The following ABCA4 variants were observed in gnomAD, a reference collection of about 807,000 sequenced individuals.
ABCA4 encodes the protein retinal-specific phospholipid-transporting ATPase ABCA4.
ABCA4 carries 196 observed loss-of-function variants against 263.7 expected under a neutral mutation model. The observed-to-expected ratio is 0.74, with a 90% CI of 0.66 to 0.84. The LOEUF (loss-of-function observed/expected upper bound fraction) is 0.84, where lower values mean the gene tolerates loss of function less well. Among genes scored for constraint, ABCA4 ranks in the 40% least tolerant of loss-of-function variants. The pLI is 0.00. For missense variants in ABCA4, 2,792 were observed against 2,855.1 expected (o/e 0.98, Z 0.50); for synonymous variants, 1,133 against 1,094.2 (o/e 1.04, Z -0.70).
At chr1:94,071,724 C>T (rs1201597591) in intron 11 of ABCA4, among the ~76,000 whole-genome samples, 1 of 152,200 alleles carries the variant, frequency 6.6e-6, no homozygotes, top group Non-Finnish European at 1.5e-5. Flanking sequence ...CTATTTGGAC[C>T]TCCACCCATG....
At chr1:94,120,885 C>CCG in intron 1 of ABCA4, 95 bp downstream of exon 1, 6 of 597,168 alleles carry the variant, frequency 1.0e-5, no homozygotes, top group East Asian at 3.3e-5. Context: ...ACCCCCCACC[C>CCG]TGCCCCACCA....
At chr1:94,001,729 A>G in intron 45 of ABCA4, 129 bp downstream of exon 45, 1 of 1,366,138 alleles carries the variant, frequency 7.3e-7, no homozygotes, top group Non-Finnish European at 1.0e-6. Context: ...AATGAGCAAC[A>G]CAGGAAACAG....
At chr1:94,032,326 C>T (rs1035590271) in intron 26 of ABCA4, among the ~76,000 whole-genome samples, 19 of 152,136 alleles carry the variant, frequency 1.2e-4, no homozygotes, top group African/African-American at 3.4e-4. Flanking sequence ...GTTTAAAATA[C>T]GTAACTTGGT....
At chr1:94,019,816 G>T (rs1557767895) in intron 35 of ABCA4, 57 bp from the exon 36 acceptor site, 13 of 1,563,156 alleles carry the variant, frequency 8.3e-6, no homozygotes, top group Admixed American at 1.9e-5. Context: ...AGCAGAAGGA[G>T]GAGAAGATAC....
chr1:94,028,856 G>A (rs747827464), intron 30 of ABCA4, among the ~76,000 whole-genome samples: 4 of 121,880 alleles, frequency 3.3e-5, no homozygotes, highest in African/African-American at 1.3e-4. Flanking sequence ...GCAGTGAGCC[G>A]AGATCACACC....
At chr1:94,036,311 A>G (rs139406498) in intron 26 of ABCA4, among the ~76,000 whole-genome samples, 1 of 150,426 alleles carries the variant, frequency 6.6e-6, no homozygotes, top group Non-Finnish European at 1.5e-5. Flanking sequence ...CAAAATGCCT[A>G]CTACTGGGGA....
At chr1:94,036,218 A>T (rs1660332470) in intron 26 of ABCA4, among the ~76,000 whole-genome samples, 1 of 151,394 alleles carries the variant, frequency 6.6e-6, no homozygotes, top group Non-Finnish European at 1.5e-5. Flanking sequence ...TGACCTCCGT[A>T]AGAATCCTCA....
At chr1:94,112,058 T>C (rs968432049) in intron 2 of ABCA4, among the ~76,000 whole-genome samples, 15 of 152,166 alleles carry the variant, frequency 9.9e-5, no homozygotes, top group South Asian at 8.3e-4. Flanking sequence ...GATTCAGAAC[T>C]GGGGCCTGAA....
At chr1:94,095,286 G>A (rs1662093436) in intron 6 of ABCA4, among the ~76,000 whole-genome samples, 1 of 151,242 alleles carries the variant, frequency 6.6e-6, no homozygotes, top group African/African-American at 2.4e-5. Flanking sequence ...TAACCCCAGC[G>A]CCCCCCTCCG....
rs148357131 is a variant in ABCA4 at position 94,113,052 on chromosome 1, C to T, written c.81G>A (p.Val27=). The change falls in exon 2 of 50, where the codon GTG becomes GTA. Residue 27 remains valine (V), a synonymous_variant. Coordinates refer to ENST00000370225, the MANE Select transcript of ABCA4 (RefSeq NM_000350.3). ...ATAAAGATAAAGGCCACACGAGTTC[C>T]ACCACAAAGCGAATCTGGAAAAACA... ...LRKRQKIRFV[V]ELVWPLSLFL... is the part of the protein sequence containing the mutation. The T allele has an allele frequency of 6.2e-7, 1 of 1,614,094 alleles. No individual in the cohort carries two copies. Among genetic ancestry groups the T allele is most frequent in the Non-Finnish European group, 8.5e-7 (1 of 1,179,994 alleles).
intron 14 of ABCA4, among the ~76,000 whole-genome samples, chr1:94,057,898 C>CT (rs1661022087): frequency 6.6e-6 from 1 of 152,230 alleles, no homozygotes; most frequent in Non-Finnish European, 1.5e-5. Flanking sequence ...ATCCTGTGCT[C>CT]TTCCCAGGAA....
Position 94,001,002 on chromosome 1 carries a change from C to T in ABCA4, c.6386G>A (p.Ser2129Asn), listed in dbSNP as rs1571242070. 6.2e-7 allele frequency: 1 copy of T among 1,614,140 alleles called. No homozygotes were observed. ...EGRAVVLTSH[S>N]MEECEALCTR... ...TTCCCCAGCCCTGGGAATCTCTTGC[C>T]TGTGGGATGTGAGGACCACAGCCCT... The change falls in exon 46 of 50, where the codon AGC (serine) becomes AAC (asparagine). Residue 2129 changes from serine (S) to asparagine (N), a missense_variant and splice_region_variant. Ser to Asn is a conservative substitution (Grantham distance 46, BLOSUM62 1). Transcript: ENST00000370225.
rs534274379 is a variant in ABCA4, at chr1:94,036,981, G to C, written c.3813+164C>G. On this transcript the variant is annotated intron_variant, in intron 25 of 49. Coordinates refer to ENST00000370225, the MANE Select transcript of ABCA4 (RefSeq NM_000350.3). ...AACCACAAGTACATAAAATTTGTAT[G>C]CATGCAGAGATGGGGGAACTATGCC... Among the ~76,000 whole-genome samples, 5 of 152,354 alleles carry C rather than the reference G, an allele frequency of 3.3e-5. No individual in the cohort carries two copies. In the South Asian group the frequency reaches 1.0e-3, roughly 32 times the overall value.
intron 6 of ABCA4, among the ~76,000 whole-genome samples, 157 bp from the exon 7 acceptor site, chr1:94,083,598 A>T (rs76277422): frequency 2.0e-5 from 3 of 151,970 alleles, no homozygotes; most frequent in African/African-American, 7.3e-5. Context: ...GAAACAAAAA[A>T]CTCTTTTATT....
In ABCA4 at chr1:94,060,690, C is replaced by T. The variant is rs545963645; in HGVS notation, c.2007G>A (p.Met669Ile). Residue 669 changes from methionine to isoleucine, a missense_variant, in exon 14 of 50, where the codon ATG becomes ATA. Physicochemically the swap from Met to Ile is conservative, Grantham distance 10 (BLOSUM62 1). Coordinates refer to ENST00000370225, the MANE Select transcript of ABCA4 (RefSeq NM_000350.3). The stretch of plus-strand genomic sequence containing the variant: ...TCTCCAAGACGATGCTCTTCACAGT[C>T]ATGGAGACAGAGTAGATCCATGCCA... Reference protein sequence around the residue: ...MVLAWIYSVSMTVKSIVLEKE... With the variant: ...MVLAWIYSVSITVKSIVLEKE... The T allele has an allele frequency of 1.5e-5, 24 of 1,614,130 alleles. No individual in the cohort carries two copies. In the South Asian group the frequency reaches 2.6e-4, roughly 18 times the overall value.
rs557486376 is a variant in ABCA4, at chr1:94,016,913, G to A, written c.5197-1059C>T. On this transcript the variant is annotated intron_variant, in intron 36 of 49. Coordinates refer to ENST00000370225, the MANE Select transcript of ABCA4 (RefSeq NM_000350.3). ...GTAGGAATGGGGATAATGGAAGGAT[G>A]AGCCTGGAATATCTTGCTGTGCCAT... 2.6e-5 allele frequency among the ~76,000 whole-genome samples: 4 copies of A among 152,248 alleles called. No individual in the cohort carries two copies. The East Asian group carries it at 7.8e-4, about 30-fold the overall frequency.
chr1:94,027,297 G>A (rs575111520), intron 30 of ABCA4, among the ~76,000 whole-genome samples: 2 of 152,314 alleles, frequency 1.3e-5, no homozygotes, highest in South Asian at 2.1e-4. Flanking sequence ...GACAGACCGC[G>A]TGGAAGTAAG....
chr1:94,034,912 C>T (rs1660301193), intron 26 of ABCA4, among the ~76,000 whole-genome samples: 1 of 152,190 alleles, frequency 6.6e-6, no homozygotes, highest in African/African-American at 2.4e-5. Context: ...CATTAACTCA[C>T]TTAATTCTCT....
chr1:94,015,240 G>A lies in ABCA4; in HGVS notation c.5312+499C>T, dbSNP rs979097191. Among the ~76,000 whole-genome samples, 68 of 152,312 alleles carry A rather than the reference G, an allele frequency of 4.5e-4. 1 individual carries two copies. Among genetic ancestry groups the A allele is most frequent in the Admixed American group, 3.4e-3 (52 of 15,300 alleles). On this transcript the variant is annotated intron_variant, in intron 37 of 49. Transcript: ENST00000370225. ...GAATTACTCATTCAAATTTACACACGTGGGAAAGAAAGTTGCATGCTGGGC... is the reference window on the plus strand; with the variant it reads ...GAATTACTCATTCAAATTTACACACATGGGAAAGAAAGTTGCATGCTGGGC...
Sources: allele counts gnomAD v4.1 joint callset (sites outside exome capture counted in the v4.1 genomes callset), GRCh38; gene constraint gnomAD v4.1.1; transcripts MANE v1.5; gene names NCBI Gene and HGNC (gene_info 2026-07-23, HGNC 2026-07-21).